XRCC4: variants seen among roughly 807,000 people sequenced by gnomAD.
The protein encoded by XRCC4 is X-ray repair cross complementing 4.
In XRCC4, 28 loss-of-function variants were observed where a neutral mutation model predicts 39.1. That is an observed-to-expected ratio of 0.72 (90% confidence interval 0.53 to 0.98). XRCC4 has a LOEUF of 0.98. Ranked by LOEUF, XRCC4 falls within the 50% of genes least tolerant of loss-of-function variation. The pLI is 0.00. For synonymous variants in XRCC4, 123 were observed against 126.4 expected (o/e 0.97, Z 0.18); for missense variants, 350 against 376.4 (o/e 0.93, Z 0.58).
At chr5:83,220,664 T>G (rs937021415) in intron 6 of XRCC4, among the ~76,000 whole-genome samples, 7 of 152,076 alleles carry the variant, frequency 4.6e-5, no homozygotes, top group Non-Finnish European at 8.8e-5. Context: ...AGACCCTTAG[T>G]GGCAAATTCA....
At chr5:83,118,986 T>A (rs368474032) in intron 3 of XRCC4, among the ~76,000 whole-genome samples, 10 of 152,330 alleles carry the variant, frequency 6.6e-5, no homozygotes, top group Admixed American at 1.3e-4. Context: ...TTTTAGAAGT[T>A]TTATTTATTT....
At chr5:83,106,773 C>T (rs1561330063) in intron 2 of XRCC4, among the ~76,000 whole-genome samples, 1 of 151,962 alleles carries the variant, frequency 6.6e-6, no homozygotes, top group African/African-American at 2.4e-5. Context: ...TTTGTCAACA[C>T]TCTTTGCAAT....
At chr5:83,154,697 G>A (rs983991625) in intron 3 of XRCC4, among the ~76,000 whole-genome samples, 1 of 151,862 alleles carries the variant, frequency 6.6e-6, no homozygotes. Context: ...TTCTTTTATT[G>A]AACTTGAGCA....
At chr5:83,128,362 C>T (rs931862871) in intron 3 of XRCC4, among the ~76,000 whole-genome samples, 3 of 152,160 alleles carry the variant, frequency 2.0e-5, no homozygotes, top group African/African-American at 7.2e-5. Flanking sequence ...TTTTCTTAAT[C>T]CAGTCTATCA....
intron 3 of XRCC4, among the ~76,000 whole-genome samples, chr5:83,139,559 T>C (rs1748068195): frequency 6.6e-6 from 1 of 152,222 alleles, no homozygotes; most frequent in Non-Finnish European, 1.5e-5. Flanking sequence ...CAGTCACATG[T>C]TGTTTAACAG....
chr5:83,206,972 T>G (rs1321954577), intron 6 of XRCC4, among the ~76,000 whole-genome samples: 1 of 152,174 alleles, frequency 6.6e-6, no homozygotes, highest in Non-Finnish European at 1.5e-5. Flanking sequence ...TCTAATCAGA[T>G]TTGAATTGGA....
At chr5:83,354,333 A>G (rs1465931246), downstream of XRCC4, among the ~76,000 whole-genome samples, 4 of 152,158 alleles carry the variant, frequency 2.6e-5, no homozygotes, top group African/African-American at 9.7e-5. Flanking sequence ...GCTGGGTTTA[A>G]TTATCAGCCG....
the XRCC4 span, among the ~76,000 whole-genome samples, chr5:83,371,442 T>C: frequency 2.6e-5 from 4 of 152,160 alleles, no homozygotes; most frequent in East Asian, 7.7e-4. Context: ...CCTGAATGAA[T>C]ACATGAATAA....
At chr5:83,356,677 G>T (rs1178529736), downstream of XRCC4, 1 of 453,084 alleles carries the variant, frequency 2.2e-6, no homozygotes, top group Admixed American at 2.4e-5. Flanking sequence ...AACATGTCCA[G>T]ATCCTATTAT....
At chr5:83,147,430 T>C (rs1287828182) in intron 3 of XRCC4, among the ~76,000 whole-genome samples, 1 of 152,164 alleles carries the variant, frequency 6.6e-6, no homozygotes. Flanking sequence ...GAGGATATTA[T>C]GTTAAGTGAA....
At position 83,325,310 on chromosome 5, in the gene XRCC4, GTTTTA is replaced by G. The variant is rs973198126; in HGVS notation, c.894-27815_894-27811del. Among the ~76,000 whole-genome samples, 9 of 151,768 alleles carry G rather than the reference GTTTTA, an allele frequency of 5.9e-5. No individual in the cohort carries two copies. In the South Asian group the frequency reaches 8.3e-4, roughly 14 times the overall value. On this transcript the variant is annotated intron_variant, in intron 7 of 7. Transcript: ENST00000396027. ...TTAATTTTTTTCTTTTTTCCTATAA[GTTTTA>G]TTTTAAGTTCAGGGGTACATGTGCA...
intron 6 of XRCC4, among the ~76,000 whole-genome samples, chr5:83,247,412 T>C (rs764683433): frequency 4.6e-5 from 7 of 152,108 alleles, no homozygotes; most frequent in Non-Finnish European, 8.8e-5. Flanking sequence ...GTCAGATCAG[T>C]GGCAAAATCA....
chr5:83,309,825 A>G (rs1293683691), intron 7 of XRCC4, among the ~76,000 whole-genome samples: 6 of 151,678 alleles, frequency 4.0e-5, no homozygotes, highest in Admixed American at 3.9e-4. Context: ...AAAATATACC[A>G]TCTATCACAT....
chr5:83,171,192 G>A (rs934492547), intron 3 of XRCC4, among the ~76,000 whole-genome samples: 19 of 152,022 alleles, frequency 1.2e-4, no homozygotes, highest in African/African-American at 4.3e-4. Flanking sequence ...TTTCACTCAA[G>A]TGAACTTCTC....
intron 6 of XRCC4, among the ~76,000 whole-genome samples, chr5:83,238,065 C>T (rs1191064794): frequency 6.6e-6 from 1 of 152,102 alleles, no homozygotes; most frequent in Non-Finnish European, 1.5e-5. Context: ...CCTCAAACTT[C>T]TGGGTTCAGT....
At position 83,101,783 on chromosome 5, in the gene XRCC4, G is replaced by C. The variant is rs1293473685; in HGVS notation, c.-10-3127G>C. Among the ~76,000 whole-genome samples the C allele has an allele frequency of 2.6e-5, 4 of 152,160 alleles. No individual in the cohort carries two copies. The East Asian group carries it at 7.7e-4, about 29-fold the overall frequency. On this transcript the variant is annotated intron_variant, in intron 1 of 7. Coordinates refer to ENST00000396027, the MANE Select transcript of XRCC4 (RefSeq NM_003401.5). ...ATCAGATTTCTAGATGACAAGGTCA[G>C]AGAGATAATAAACATGTTGGGTCAC...
chr5:83,108,795 A>G (rs993601710), intron 2 of XRCC4, among the ~76,000 whole-genome samples: 1 of 151,616 alleles, frequency 6.6e-6, no homozygotes, highest in Admixed American at 6.6e-5. Flanking sequence ...GTTACTTTTT[A>G]ACATAATGCA....
chr5:83,203,548 T>C lies in XRCC4; in HGVS notation c.483-4T>C. 1.3e-6 allele frequency: 2 copies of C among 1,577,680 alleles called. No homozygotes were observed. Among genetic ancestry groups the C allele is most frequent in the Non-Finnish European group, 1.7e-6 (2 of 1,167,830 alleles). On this transcript the variant is annotated splice_polypyrimidine_tract_variant and splice_region_variant and intron_variant, in intron 4 of 7. Transcript: ENST00000396027. Reference sequence around the variant, plus strand: ...CTAATTTGTTTACTTATTTACTTTTTTAGATTTGAAAAATGTGTGAGTGCT... The same window carrying C: ...CTAATTTGTTTACTTATTTACTTTTCTAGATTTGAAAAATGTGTGAGTGCT...
At chr5:83,303,083 C>G (rs1200508617) in intron 7 of XRCC4, among the ~76,000 whole-genome samples, 1 of 151,924 alleles carries the variant, frequency 6.6e-6, no homozygotes, top group Non-Finnish European at 1.5e-5. Flanking sequence ...TGTGGTGGCA[C>G]AAGCCTGTAG....
Sources: gnomAD v4.1 joint callset for allele counts (sites outside exome capture counted in the v4.1 genomes callset) on GRCh38, gnomAD v4.1.1 for gene constraint, MANE v1.5 for transcripts, NCBI Gene and HGNC (gene_info 2026-07-23, HGNC 2026-07-21) for gene names.